Variants in SPEF2 observed in about 807,000 individuals in gnomAD.
SPEF2 encodes sperm flagellar and cilia associated 2.
A neutral mutation model predicts 224.6 loss-of-function variants in SPEF2; 187 were observed. The ratio of observed to expected loss-of-function variants is 0.83; its 90% CI spans 0.74 to 0.94. The LOEUF (loss-of-function observed/expected upper bound fraction) is 0.94, where lower values mean the gene tolerates loss of function less well. Among genes scored for constraint, SPEF2 ranks in the 40% least tolerant of loss-of-function variants. The pLI is 0.00. For missense variants in SPEF2, 2,170 were observed against 2,135.6 expected (o/e 1.02, Z -0.32); for synonymous variants, 715 against 707.3 (o/e 1.01, Z -0.17).
intron 21 of SPEF2, among the ~76,000 whole-genome samples, chr5:35,729,514 G>A (rs943231865): frequency 6.6e-6 from 1 of 152,124 alleles, no homozygotes; most frequent in Admixed American, 6.5e-5. Flanking sequence ...AAGGAAACTG[G>A]TGTGAAGGGA....
chr5:35,756,515 T>G (rs555415881), intron 24 of SPEF2, among the ~76,000 whole-genome samples: 17 of 152,328 alleles, frequency 1.1e-4, no homozygotes, highest in African/African-American at 3.6e-4. Context: ...AAGAGCCTAA[T>G]GAACAGCCCA....
At chr5:35,726,645 C>A (rs1427251463) in intron 20 of SPEF2, among the ~76,000 whole-genome samples, 2 of 152,116 alleles carry the variant, frequency 1.3e-5, no homozygotes, top group African/African-American at 2.4e-5. Flanking sequence ...CTTTTCTAAA[C>A]AGCATTATCA....
intron 27 of SPEF2, among the ~76,000 whole-genome samples, chr5:35,772,801 G>A (rs1318606351): frequency 1.3e-5 from 2 of 152,178 alleles, no homozygotes; most frequent in Non-Finnish European, 2.9e-5. Context: ...GAAATCCAGA[G>A]AGATTAATCT....
intron 23 of SPEF2, among the ~76,000 whole-genome samples, chr5:35,751,078 T>TATATATATACACAC (rs1749518616): frequency 4.4e-5 from 1 of 22,632 alleles, no homozygotes; most frequent in African/African-American, 1.1e-4. Flanking sequence ...TATATATATA[T>TATATATATACACAC]ACACACACAC....
intron 21 of SPEF2, among the ~76,000 whole-genome samples, chr5:35,736,554 A>G (rs1017865119): frequency 6.6e-6 from 1 of 152,112 alleles, no homozygotes; most frequent in Non-Finnish European, 1.5e-5. Flanking sequence ...GAACTAACTC[A>G]CTATCATGAG....
chr5:35,722,291 C>G (rs1743831667), intron 20 of SPEF2, among the ~76,000 whole-genome samples: 4 of 151,966 alleles, frequency 2.6e-5, no homozygotes, highest in Admixed American at 1.3e-4. Context: ...GCGTCCCAGC[C>G]CTGGCATGGG....
intron 5 of SPEF2, among the ~76,000 whole-genome samples, chr5:35,648,418 T>A (rs1747718160): frequency 6.6e-6 from 1 of 151,804 alleles, no homozygotes; most frequent in Non-Finnish European, 1.5e-5. Context: ...ACAGTCTTAC[T>A]CTGTTGCCCA....
At chr5:35,639,301 C>T (rs1746271305) in intron 2 of SPEF2, among the ~76,000 whole-genome samples, 1 of 152,086 alleles carries the variant, frequency 6.6e-6, no homozygotes, top group Non-Finnish European at 1.5e-5. Context: ...AAATATCATC[C>T]ATCTTCAATT....
At chr5:35,779,020 T>C (rs182974034) in intron 29 of SPEF2, 97 bp from the exon 30 acceptor site, 1 of 813,334 alleles carries the variant, frequency 1.2e-6, no homozygotes, top group South Asian at 2.0e-5. Context: ...AAGAGCTATA[T>C]AATCTGTTTA....
chr5:35,623,747 C>T (rs1010126808), intron 1 of SPEF2, among the ~76,000 whole-genome samples: 9 of 152,066 alleles, frequency 5.9e-5, no homozygotes, highest in Admixed American at 1.3e-4. Context: ...GTTTTAAACA[C>T]GAATGTTTGT....
At chr5:35,637,922 A>G (rs956708270) in intron 2 of SPEF2, among the ~76,000 whole-genome samples, 3 of 152,082 alleles carry the variant, frequency 2.0e-5, no homozygotes, top group Non-Finnish European at 4.4e-5. Context: ...ATACATATAG[A>G]TTGATGTGTT....
At position 35,683,312 on chromosome 5, in the gene SPEF2, T is replaced by C. The variant is rs955345643; in HGVS notation, c.1525-7725T>C. ...AGAATTCAAGTGCTGGAAAGGTCAGTGTAGGTCAATTAATAAAAACAGTGC... is the reference window on the plus strand; with the variant it reads ...AGAATTCAAGTGCTGGAAAGGTCAGCGTAGGTCAATTAATAAAAACAGTGC... On this transcript the variant is annotated intron_variant, in intron 10 of 36. Coordinates refer to ENST00000356031, the MANE Select transcript of SPEF2 (RefSeq NM_024867.4). Among the ~76,000 whole-genome samples the C allele has an allele frequency of 2.6e-5, 4 of 152,112 alleles. No homozygotes were observed. The East Asian group carries it at 7.7e-4, about 29-fold the overall frequency.
At chr5:35,785,615 G>T (rs1380513553) in intron 30 of SPEF2, among the ~76,000 whole-genome samples, 1 of 150,840 alleles carries the variant, frequency 6.6e-6, no homozygotes, top group Non-Finnish European at 1.5e-5. Flanking sequence ...CACAATCATG[G>T]CTCACTACAG....
intron 36 of SPEF2, among the ~76,000 whole-genome samples, chr5:35,814,021 C>T (rs1365596352): frequency 6.6e-6 from 1 of 152,086 alleles, no homozygotes; most frequent in East Asian, 1.9e-4. Context: ...AAGAATGAGA[C>T]AATTTCAGGA....
At chr5:35,784,565 T>C (rs911980265) in intron 30 of SPEF2, among the ~76,000 whole-genome samples, 2 of 152,188 alleles carry the variant, frequency 1.3e-5, no homozygotes, top group African/African-American at 4.8e-5. Flanking sequence ...TTGCTGCCTA[T>C]GTGAGTCAGC....
rs781177231 is a variant in SPEF2, at chr5:35,779,136, G to C, written c.4237G>C (p.Val1413Leu). 6.2e-7 allele frequency: 1 copy of C among 1,613,106 alleles called. No individual in the cohort carries two copies. The highest frequency in any genetic ancestry group is 8.5e-7 in the Non-Finnish European group (1 of 1,179,544). ...TTTCAGTACAGAAAAATTAACTGAC[G>C]TAGCTCGCTATCACATTGAAACATC... is the stretch of plus-strand genomic sequence containing the variant. ...EMASTEKLTD[V>L]ARYHIETSTK... The change falls in exon 30 of 37, where the codon GTA becomes CTA. Residue 1413 changes from valine (V) to leucine (L), a missense_variant. Physicochemically the swap from Val to Leu is conservative, Grantham distance 32. Transcript: ENST00000356031.
chr5:35,656,507 T>C (rs1056287702), intron 7 of SPEF2, among the ~76,000 whole-genome samples: 1 of 152,218 alleles, frequency 6.6e-6, no homozygotes, highest in Non-Finnish European at 1.5e-5. Context: ...AGTTGAAAAG[T>C]TAGTTTTAAA....
chr5:35,799,993 A>C lies in SPEF2; in HGVS notation c.4856A>C (p.Tyr1619Ser). Residue 1619 changes from tyrosine to serine, a missense_variant, in exon 34 of 37, where the codon TAT becomes TCT. Physicochemically the swap from Tyr to Ser is moderately radical, Grantham distance 144. Transcript: ENST00000356031. ...IEFFFRLFAD[Y>S]EKDPPQLDYT... ...TTTTTCTTTAGGCTATTTGCTGACTATGAGAAGGATCCACCCCAGCTTGAC... is the reference window on the plus strand; with the variant it reads ...TTTTTCTTTAGGCTATTTGCTGACTCTGAGAAGGATCCACCCCAGCTTGAC... 1 of 1,614,000 alleles carries C rather than the reference A, an allele frequency of 6.2e-7. No individual in the cohort carries two copies.
chr5:35,739,852 T>G, intron 21 of SPEF2, 67 bp from the exon 22 acceptor site: 1 of 1,581,762 alleles, frequency 6.3e-7, no homozygotes, highest in Non-Finnish European at 8.6e-7. Context: ...GGACTGTTCT[T>G]TTGACACTAT....
Sources: gnomAD v4.1 joint callset for allele counts (sites outside exome capture counted in the v4.1 genomes callset) on GRCh38, gnomAD v4.1.1 for gene constraint, MANE v1.5 for transcripts, NCBI Gene and HGNC (gene_info 2026-07-23, HGNC 2026-07-21) for gene names.